The following MYO1D variants were observed in gnomAD, a reference collection of about 807,000 sequenced individuals.
MYO1D encodes the protein myosin ID.
In MYO1D, 83 loss-of-function variants were observed where a neutral mutation model predicts 122.0. The ratio of observed to expected loss-of-function variants is 0.68; its 90% CI spans 0.57 to 0.82. MYO1D has a LOEUF of 0.82. MYO1D is among the 40% of genes least tolerant of loss of function. The pLI, the probability that MYO1D is intolerant of heterozygous loss-of-function variation, is 0.00. For synonymous variants in MYO1D, 464 were observed against 446.9 expected (o/e 1.04, Z -0.48); for missense variants, 1,157 against 1,269.5 (o/e 0.91, Z 1.35).
chr17:32,604,984 T>C, intron 21 of MYO1D, 103 bp downstream of exon 21: 3 of 1,121,672 alleles, frequency 2.7e-6, no homozygotes, highest in Non-Finnish European at 3.7e-6. Context: ...TGGAGAAAAA[T>C]AGCTCAATAC....
rs577679711 is a variant in MYO1D at position 32,580,903 on chromosome 17, C to G, written c.2864+24184G>C. Among the ~76,000 whole-genome samples the G allele has an allele frequency of 6.6e-5, 10 of 152,188 alleles. No homozygotes were observed. In the South Asian group the frequency reaches 2.1e-3, roughly 32 times the overall value. The stretch of plus-strand genomic sequence containing the variant: ...ATCTATGCTCTTAATGGACATTGGT[C>G]TGTAGTTTTCTTTTCCTGTATTATC... On this transcript the variant is annotated intron_variant, in intron 21 of 21. Transcript: ENST00000318217.
intron 16 of MYO1D, among the ~76,000 whole-genome samples, chr17:32,685,134 C>T (rs908072792): frequency 2.0e-5 from 3 of 151,990 alleles, no homozygotes; most frequent in South Asian, 2.1e-4. Flanking sequence ...AAGCAATAAA[C>T]GCTGTGTGTC....
intron 21 of MYO1D, among the ~76,000 whole-genome samples, chr17:32,555,210 A>G (rs537012626): frequency 4.5e-4 from 68 of 152,134 alleles, no homozygotes; most frequent in Middle Eastern, 3.4e-3. Context: ...GTTCCTTTCC[A>G]GCACAGCCTT....
At chr17:32,537,412 C>G (rs979248981) in intron 21 of MYO1D, among the ~76,000 whole-genome samples, 1 of 152,124 alleles carries the variant, frequency 6.6e-6, no homozygotes, top group African/African-American at 2.4e-5. Context: ...GTTACAGGGA[C>G]CATATGGTCT....
chr17:32,667,069 A>T (rs1482142350), intron 16 of MYO1D, among the ~76,000 whole-genome samples: 1 of 152,246 alleles, frequency 6.6e-6, no homozygotes, highest in African/African-American at 2.4e-5. Flanking sequence ...ACGGTTGTTA[A>T]AAAGTTGTGG....
intron 1 of MYO1D, among the ~76,000 whole-genome samples, chr17:32,859,258 T>A (rs554666558): frequency 6.6e-6 from 1 of 152,230 alleles, no homozygotes; most frequent in African/African-American, 2.4e-5. Flanking sequence ...CTTTCCATAT[T>A]TGGAGCTCTC....
chr17:32,856,231 C>A (rs971199463), intron 1 of MYO1D, among the ~76,000 whole-genome samples: 4 of 152,144 alleles, frequency 2.6e-5, no homozygotes, highest in African/African-American at 9.7e-5. Context: ...TAGGAGCCTT[C>A]ATCCTCTTCA....
intron 1 of MYO1D, among the ~76,000 whole-genome samples, chr17:32,830,056 G>A (rs1157155683): frequency 6.6e-6 from 1 of 152,240 alleles, no homozygotes; most frequent in Admixed American, 6.5e-5. Flanking sequence ...AAAGTTAACT[G>A]ATTACAATAT....
intron 1 of MYO1D, among the ~76,000 whole-genome samples, chr17:32,872,248 G>T (rs2091185817): frequency 6.6e-6 from 1 of 151,578 alleles, no homozygotes; most frequent in Non-Finnish European, 1.5e-5. Context: ...ATATTCCAGG[G>T]TTTTGTTAGA....
At chr17:32,770,277 TTA>T (rs753417114) in intron 6 of MYO1D, among the ~76,000 whole-genome samples, 225 of 152,290 alleles carry the variant, frequency 1.5e-3, no homozygotes, top group Admixed American at 4.8e-3. Flanking sequence ...CTCCCATATC[TTA>T]GATCTTTTTC....
In MYO1D at chr17:32,513,911, C is replaced by A. The variant is rs187617136; in HGVS notation, c.2865-18996G>T. On this transcript the variant is annotated intron_variant, in intron 21 of 21. Transcript: ENST00000318217. ...AGGGTGTGAGCATGGCTCACTGCAG[C>A]CTTCTGGGACTACAGGCATACACCA... Among the ~76,000 whole-genome samples, 96 of 151,388 alleles carry A rather than the reference C, an allele frequency of 6.3e-4. No individual in the cohort carries two copies. In the East Asian group the frequency reaches 0.011, roughly 17 times the overall value.
In MYO1D at chr17:32,748,944, G is replaced by A. The variant is rs117036818; in HGVS notation, c.1530C>T (p.Gly510=). Residue 510 remains glycine, a synonymous_variant, in exon 12 of 22, where the codon GGC becomes GGT. Coordinates refer to ENST00000318217, the MANE Select transcript of MYO1D (RefSeq NM_015194.3). Reference sequence around the variant, plus strand: ...CAAGGTAAGATACTCACACTACATCGCCTGCATAATGTCGAATTCGAAAAT... The same window carrying A: ...CAAGGTAAGATACTCACACTACATCACCTGCATAATGTCGAATTCGAAAAT... The part of the protein sequence containing the change: ...DRDFRIRHYA[G]DVVYSVIGFI... The A allele has an allele frequency of 6.8e-4, 1,103 of 1,612,916 alleles. 10 individuals are homozygous for A. Among genetic ancestry groups the A allele is most frequent in the East Asian group, 6.1e-3 (272 of 44,862 alleles).
chr17:32,827,441 A>C (rs1471840070), intron 1 of MYO1D, among the ~76,000 whole-genome samples: 2 of 152,198 alleles, frequency 1.3e-5, no homozygotes, highest in African/African-American at 4.8e-5. Flanking sequence ...GTAGAGTTTC[A>C]GTTTGAGATG....
intron 21 of MYO1D, among the ~76,000 whole-genome samples, chr17:32,557,850 A>T (rs1451680089): frequency 1.3e-5 from 2 of 151,968 alleles, no homozygotes; most frequent in African/African-American, 4.8e-5. Context: ...GTGTTTATAA[A>T]TAACATTTTA....
At chr17:32,588,985 C>CA (rs1335064362) in intron 21 of MYO1D, among the ~76,000 whole-genome samples, 2 of 151,556 alleles carry the variant, frequency 1.3e-5, no homozygotes, top group African/African-American at 4.9e-5. Context: ...AAAAAACCCA[C>CA]AAAAAACAAA....
chr17:32,809,836 T>C (rs1052261052), intron 1 of MYO1D, among the ~76,000 whole-genome samples: 2 of 152,254 alleles, frequency 1.3e-5, no homozygotes, highest in African/African-American at 4.8e-5. Flanking sequence ...TGCATCATCT[T>C]ATTAGAAGGG....
chr17:32,618,753 G>A (rs1175853356), intron 20 of MYO1D, among the ~76,000 whole-genome samples: 1 of 151,586 alleles, frequency 6.6e-6, no homozygotes, highest in Non-Finnish European at 1.5e-5. Context: ...TCCTGCCTCA[G>A]CCTCCCGAGT....
At chr17:32,751,977 A>G (rs1056705319) in intron 11 of MYO1D, among the ~76,000 whole-genome samples, 1 of 152,196 alleles carries the variant, frequency 6.6e-6, no homozygotes, top group African/African-American at 2.4e-5. Context: ...AAGCAATTCT[A>G]AGCAAAAAGA....
Position 32,759,454 on chromosome 17 carries a change from A to G in MYO1D, c.1296+836T>C, listed in dbSNP as rs76573841. Among the ~76,000 whole-genome samples the G allele has an allele frequency of 4.9e-4, 75 of 152,302 alleles. 1 individual carries two copies. In the East Asian group the frequency reaches 0.013, roughly 27 times the overall value. On this transcript the variant is annotated intron_variant, in intron 10 of 21. Transcript: ENST00000318217. Reference sequence around the variant, plus strand: ...GCTGCTATTATATTGGATAACAAAAAACAAATACTGGCTTCATTTCTATTC... The same window carrying G: ...GCTGCTATTATATTGGATAACAAAAGACAAATACTGGCTTCATTTCTATTC...
Sources: allele counts gnomAD v4.1 joint callset (sites outside exome capture counted in the v4.1 genomes callset), GRCh38; gene constraint gnomAD v4.1.1; transcripts MANE v1.5; gene names NCBI Gene and HGNC (gene_info 2026-07-23, HGNC 2026-07-21).